The following SIRPA variants were observed in gnomAD, a reference collection of about 807,000 sequenced individuals.
SIRPA encodes the protein signal regulatory protein alpha.
A neutral mutation model predicts 50.3 loss-of-function variants in SIRPA; 9 were observed. That is an observed-to-expected ratio of 0.18 (90% CI 0.11 to 0.31). SIRPA has a LOEUF of 0.31. SIRPA is among the 10% of genes least tolerant of loss of function. The pLI is 1.00. For missense variants in SIRPA, 474 were observed against 661.6 expected (o/e 0.72, Z 3.11); for synonymous variants, 265 against 284.1 (o/e 0.93, Z 0.68).
At chr20:1,918,400 C>G (rs570586134) in intron 2 of SIRPA, among the ~76,000 whole-genome samples, 2 of 125,560 alleles carry the variant, frequency 1.6e-5, no homozygotes, top group African/African-American at 6.2e-5. Context: ...TTAGTAGAGA[C>G]ATGGTTTCAT....
intron 2 of SIRPA, among the ~76,000 whole-genome samples, chr20:1,918,648 G>A (rs772204315): frequency 5.9e-5 from 9 of 152,064 alleles, no homozygotes; most frequent in Non-Finnish European, 1.2e-4. Flanking sequence ...AGCCTGGGGC[G>A]ACGATAGACC....
chr20:1,905,599 C>T (rs1384288204), intron 1 of SIRPA, among the ~76,000 whole-genome samples: 1 of 152,202 alleles, frequency 6.6e-6, no homozygotes, highest in Non-Finnish European at 1.5e-5. Context: ...TCAGCCTCTC[C>T]AGGCCTTACT....
At chr20:1,929,071 G>A (rs557229334) in intron 6 of SIRPA, among the ~76,000 whole-genome samples, 1 of 152,190 alleles carries the variant, frequency 6.6e-6, no homozygotes, top group East Asian at 1.9e-4. Flanking sequence ...ATCTTTTGAT[G>A]GTTTAGAGCT....
chr20:1,902,701 G>A (rs1984293486), intron 1 of SIRPA, among the ~76,000 whole-genome samples: 1 of 152,144 alleles, frequency 6.6e-6, no homozygotes, highest in Non-Finnish European at 1.5e-5. Context: ...GCTCTAAGGA[G>A]CAGAGGCCTC....
chr20:1,921,747 G>A (rs1243368434), intron 3 of SIRPA, 35 bp downstream of exon 3: 2 of 1,613,692 alleles, frequency 1.2e-6, no homozygotes, highest in Non-Finnish European at 1.7e-6. Flanking sequence ...GCCCACACCT[G>A]ACCGCCAAGC....
At chr20:1,905,876 G>C (rs777244280) in intron 1 of SIRPA, among the ~76,000 whole-genome samples, 8 of 152,168 alleles carry the variant, frequency 5.3e-5, no homozygotes, top group Non-Finnish European at 1.2e-4. Flanking sequence ...TCCCAGTGCC[G>C]CCTGTCCCCG....
In SIRPA at chr20:1,903,440, G is replaced by A. The variant is rs139021508; in HGVS notation, c.79+7914G>A. 8.5e-3 allele frequency among the ~76,000 whole-genome samples: 1,295 copies of A among 152,332 alleles called. 3 individuals carry two copies. The highest frequency in any genetic ancestry group is 0.02 in the Middle Eastern group (6 of 294). On this transcript the variant is annotated intron_variant, in intron 1 of 7. Coordinates refer to ENST00000358771, the MANE Select transcript of SIRPA (RefSeq NM_001040023.2). ...AGAACTAGGATTTAGGTCCCTGAAT[G>A]CTGCAGCATCCCCATTGCTGCTTTC...
In SIRPA at chr20:1,934,417, C is replaced by T. The variant is rs570584698; in HGVS notation, c.1227-298C>T. Among the ~76,000 whole-genome samples, 6 of 152,250 alleles carry T rather than the reference C, an allele frequency of 3.9e-5. No homozygotes were observed. Among genetic ancestry groups the T allele is most frequent in the East Asian group, 1.9e-4 (1 of 5,188 alleles). ...ACTGGTTTGCCTCTCCCACCAGTGACGTATGAAAGCTCCAGTTCATTTCAC... is the reference window on the plus strand; with the variant it reads ...ACTGGTTTGCCTCTCCCACCAGTGATGTATGAAAGCTCCAGTTCATTTCAC... On this transcript the variant is annotated intron_variant, in intron 6 of 7. Transcript: ENST00000358771. This position sits in a 1 kb window ranked among gnomAD's most constrained non-coding sequence, Gnocchi z 4.6.
intron 2 of SIRPA, among the ~76,000 whole-genome samples, chr20:1,918,147 C>T (rs2123121575): frequency 6.6e-6 from 1 of 152,218 alleles, no homozygotes; most frequent in South Asian, 2.1e-4. Context: ...GTGTATAAAA[C>T]ACCCAATGCA....
Position 1,895,420 on chromosome 20 carries a change from C to T in SIRPA, c.-28C>T. On this transcript the variant is annotated 5_prime_UTR_variant, in exon 1 of 8. Transcript: ENST00000358771. ...GCCCGAGCGCGCACTCACGGCCGCT[C>T]TCCCTCCTCGCTCCGCAGCCGCGGC... 1 of 1,363,616 alleles carries T rather than the reference C, an allele frequency of 7.3e-7. No individual in the cohort carries two copies. The highest frequency in any genetic ancestry group is 3.1e-5 in the East Asian group (1 of 32,434). The allele number at this position is 1,363,616 out of a possible 1,614,324, so 84.5% of individuals were successfully genotyped here.
Position 1,939,438 on chromosome 20 carries a change from C to G in SIRPA, c.*1870C>G, listed in dbSNP as rs1252816219. 1 of 152,232 alleles carries G rather than the reference C, an allele frequency of 6.6e-6. No individual in the cohort carries two copies. The highest frequency in any genetic ancestry group is 2.4e-5 in the African/African-American group (1 of 41,450). The allele number at this position is 152,232 out of a possible 1,614,324, so 9.4% of individuals were successfully genotyped here. ...AGCTTTGGCCAGAGCTCCCGTGTGG[C>G]ATCTGGGAGCCACAGTGACCCAGCC... On this transcript the variant is annotated 3_prime_UTR_variant, in exon 8 of 8. Transcript: ENST00000358771. The surrounding 1 kb of genome is among the most constrained non-coding windows in gnomAD (Gnocchi z 4.7).
intron 1 of SIRPA, among the ~76,000 whole-genome samples, chr20:1,910,133 ATCTTTGCC>A (rs1224085168): frequency 6.6e-6 from 1 of 152,158 alleles, no homozygotes; most frequent in Non-Finnish European, 1.5e-5. Context: ...TTTGAAATCC[ATCTTTGCC>A]TCGAGGGTGG....
chr20:1,934,644 ATTC>A lies in SIRPA; in HGVS notation c.1227-68_1227-66del. The A allele has an allele frequency of 6.8e-7, 1 of 1,476,866 alleles. No individual in the cohort carries two copies. The allele number at this position is 1,476,866 out of a possible 1,614,324, so 91.5% of individuals were successfully genotyped here. On this transcript the variant is annotated intron_variant, in intron 6 of 7. Coordinates refer to ENST00000358771, the MANE Select transcript of SIRPA (RefSeq NM_001040023.2). This position sits in a 1 kb window ranked among gnomAD's most constrained non-coding sequence, Gnocchi z 4.6. ...ATATAGAAAATGGAGCCTAAATGTT[ATTC>A]TTATCAGTTTGCATGAGCACTTGAG... is the stretch of plus-strand genomic sequence containing the variant.
chr20:1,922,720 T>A, intron 4 of SIRPA, 75 bp downstream of exon 4: 1 of 1,436,766 alleles, frequency 7.0e-7, no homozygotes, highest in Non-Finnish European at 9.4e-7. Context: ...TTAAAAGTAG[T>A]AATTCATGCT....
rs1422971199 is a variant in SIRPA, at chr20:1,928,497, G to A, written c.1226+598G>A. 6.6e-6 allele frequency among the ~76,000 whole-genome samples: 1 copy of A among 152,194 alleles called. No individual in the cohort carries two copies. The highest frequency in any genetic ancestry group is 2.4e-5 in the African/African-American group (1 of 41,442). The stretch of plus-strand genomic sequence containing the variant: ...CTCAGGACCAGCTGGTGATATAGCA[G>A]TAAACAAGAATCAGCCCAGGCTTTC... On this transcript the variant is annotated intron_variant, in intron 6 of 7. Transcript: ENST00000358771. The surrounding 1 kb of genome is among the most constrained non-coding windows in gnomAD (Gnocchi z 4.9).
At chr20:1,916,726 C>G (rs1414569237) in intron 2 of SIRPA, among the ~76,000 whole-genome samples, 1 of 152,194 alleles carries the variant, frequency 6.6e-6, no homozygotes, top group Non-Finnish European at 1.5e-5. Context: ...TTACCATCTT[C>G]CATTGATGGA....
intron 1 of SIRPA, among the ~76,000 whole-genome samples, chr20:1,912,239 G>A (rs865983130): frequency 1.3e-5 from 2 of 152,136 alleles, no homozygotes; most frequent in African/African-American, 4.8e-5. Flanking sequence ...CATGCTGCAC[G>A]CCTGACTCCG....
In SIRPA at chr20:1,940,544, A is replaced by G. The variant is rs75446367; in HGVS notation, c.*2976A>G. 1 of 152,230 alleles carries G rather than the reference A, an allele frequency of 6.6e-6. No homozygotes were observed. Among genetic ancestry groups the G allele is most frequent in the East Asian group, 1.9e-4 (1 of 5,206 alleles). 9.4% of individuals were successfully genotyped at this position (152,230 alleles called of 1,614,324 possible). On this transcript the variant is annotated 3_prime_UTR_variant, in exon 8 of 8. Transcript: ENST00000358771. ...TTTCTATCCCTCCATTAGATCATTA[A>G]TGATATTAGTGCTAATTATGTAATA...
chr20:1,915,284 C>A lies in SIRPA; in HGVS notation c.265C>A (p.Arg89=). ...CAATCAAAAAGAAGGCCACTTCCCC[C>A]GGGTAACAACTGTTTCAGACCTCAC... The part of the protein sequence containing the change: ...IYNQKEGHFP[R]VTTVSDLTKR... Residue 89 remains arginine (R), a synonymous_variant, in exon 2 of 8, where the codon CGG becomes AGG. Transcript: ENST00000358771. The A allele has an allele frequency of 1.2e-6, 2 of 1,613,460 alleles. No individual in the cohort carries two copies. Among genetic ancestry groups the A allele is most frequent in the Non-Finnish European group, 1.7e-6 (2 of 1,179,818 alleles).
Sources: allele counts gnomAD v4.1 joint callset (sites outside exome capture counted in the v4.1 genomes callset), GRCh38; gene constraint gnomAD v4.1.1; non-coding constraint Gnocchi (gnomAD v3.1); transcripts MANE v1.5; gene names NCBI Gene and HGNC (gene_info 2026-07-23, HGNC 2026-07-21).